The following ILKAP variants were observed in gnomAD, a reference collection of about 807,000 sequenced individuals.
ILKAP encodes the protein ILK associated serine/threonine phosphatase.
In ILKAP, 11 loss-of-function variants were observed where a neutral mutation model predicts 49.1. The ratio of observed to expected loss-of-function variants is 0.22; its 90% confidence interval spans 0.14 to 0.37. The LOEUF (loss-of-function observed/expected upper bound fraction) is 0.37. Ranked by LOEUF, ILKAP falls within the 10% of genes least tolerant of loss-of-function variation. The pLI, the probability that ILKAP is intolerant of heterozygous loss-of-function variation, is 1.00. For missense variants in ILKAP, 363 were observed against 510.8 expected (o/e 0.71, Z 2.79); for synonymous variants, 186 against 192.8 (o/e 0.96, Z 0.29).
chr2:238,181,212 G>A (rs1693677711), intron 9 of ILKAP, among the ~76,000 whole-genome samples: 1 of 152,190 alleles, frequency 6.6e-6, no homozygotes, highest in African/African-American at 2.4e-5. Flanking sequence ...ACACTTCAAA[G>A]GATAGGTAAG....
At chr2:238,196,410 A>T (rs182116996) in intron 1 of ILKAP, among the ~76,000 whole-genome samples, 123 of 152,150 alleles carry the variant, frequency 8.1e-4, no homozygotes, top group Non-Finnish European at 1.5e-3. Context: ...TATTTTTAGT[A>T]GAGACGGGGT....
intron 9 of ILKAP, among the ~76,000 whole-genome samples, chr2:238,180,686 A>G (rs902705304): frequency 2.0e-5 from 3 of 152,224 alleles, no homozygotes; most frequent in African/African-American, 7.2e-5. Flanking sequence ...CTCTGAGATG[A>G]AGGAGTCACC....
chr2:238,196,220 A>G (rs1489277377), intron 1 of ILKAP, among the ~76,000 whole-genome samples: 2 of 150,514 alleles, frequency 1.3e-5, no homozygotes, highest in Non-Finnish European at 2.9e-5. Flanking sequence ...CCTCCTGAGT[A>G]GGTGAGATCA....
chr2:238,199,768 A>C (rs1230154148), intron 1 of ILKAP, among the ~76,000 whole-genome samples: 2 of 151,816 alleles, frequency 1.3e-5, no homozygotes, highest in Non-Finnish European at 2.9e-5. Flanking sequence ...TTTATGTTCA[A>C]ATATTCTTCT....
intron 4 of ILKAP, 58 bp from the exon 5 acceptor site, chr2:238,188,315 C>G (rs952024310): frequency 6.3e-7 from 1 of 1,578,592 alleles, no homozygotes; most frequent in African/African-American, 1.4e-5. Context: ...TCTGGAAACC[C>G]TAGTCCCAGA....
At chr2:238,171,067 CAAAAAAT>C in intron 10 of ILKAP, 43 bp from the exon 11 acceptor site, 4 of 1,348,642 alleles carry the variant, frequency 3.0e-6, no homozygotes, top group Non-Finnish European at 1.0e-6. Flanking sequence ...TAGGCCCAAC[CAAAAAAT>C]AAAAAATAAA....
intron 1 of ILKAP, among the ~76,000 whole-genome samples, chr2:238,201,360 CT>C (rs1472282217): frequency 1.3e-5 from 2 of 152,178 alleles, no homozygotes; most frequent in African/African-American, 4.8e-5. Flanking sequence ...TTCCAATCAT[CT>C]ACAAATTCTG....
chr2:238,194,762 G>C, intron 2 of ILKAP, 43 bp downstream of exon 2: 5 of 1,573,730 alleles, frequency 3.2e-6, no homozygotes, highest in Non-Finnish European at 4.4e-6. Context: ...CCCAGGATGA[G>C]TAGAGACGTT....
At chr2:238,188,724 A>C (rs1182712374) in intron 4 of ILKAP, 1 of 153,438 alleles carries the variant, frequency 6.5e-6, no homozygotes. Flanking sequence ...GAATTTGAAC[A>C]AACAGTAAGA....
Position 238,184,130 on chromosome 2 carries a change from A to G in ILKAP, c.533-17T>C. 7.6e-7 allele frequency: 1 copy of G among 1,309,326 alleles called. No homozygotes were observed. Among genetic ancestry groups the G allele is most frequent in the Non-Finnish European group, 1.1e-6 (1 of 902,822 alleles). The allele number at this position is 1,309,326 out of a possible 1,614,324, so 81.1% of individuals were successfully genotyped here. ...TTACATCTCCTATTACAGAAGGGCC[A>G]AAAGAAAACAATCTCTCAAGGAGGG... On this transcript the variant is annotated splice_polypyrimidine_tract_variant and intron_variant, in intron 6 of 11. Coordinates refer to ENST00000254654, the MANE Select transcript of ILKAP (RefSeq NM_030768.3).
intron 1 of ILKAP, among the ~76,000 whole-genome samples, chr2:238,200,674 T>C (rs1694531202): frequency 6.6e-6 from 1 of 152,116 alleles, no homozygotes; most frequent in Admixed American, 6.5e-5. Context: ...ATACAAAAAT[T>C]AGCTGGCTGT....
chr2:238,173,795 T>C, intron 9 of ILKAP, 142 bp from the exon 10 acceptor site: 6 of 1,045,116 alleles, frequency 5.7e-6, no homozygotes, highest in Non-Finnish European at 6.8e-6. Flanking sequence ...TACTGACATT[T>C]CTTGATCTCA....
intron 9 of ILKAP, among the ~76,000 whole-genome samples, chr2:238,174,737 A>G (rs967586016): frequency 6.6e-6 from 1 of 152,230 alleles, no homozygotes; most frequent in South Asian, 2.1e-4. Flanking sequence ...GCGATCTTCT[A>G]GGATACAAAC....
intron 9 of ILKAP, among the ~76,000 whole-genome samples, chr2:238,175,710 T>C (rs756398227): frequency 6.6e-6 from 1 of 152,222 alleles, no homozygotes; most frequent in Non-Finnish European, 1.5e-5. Context: ...ATGAAGCTGG[T>C]TGGGACTCAG....
At chr2:238,176,076 T>C (rs1230560315) in intron 9 of ILKAP, among the ~76,000 whole-genome samples, 1 of 150,184 alleles carries the variant, frequency 6.7e-6, no homozygotes, top group African/African-American at 2.5e-5. Flanking sequence ...GTTCATTCTC[T>C]TTCCCCTTCC....
intron 1 of ILKAP, among the ~76,000 whole-genome samples, chr2:238,197,649 T>C (rs1287911187): frequency 6.6e-6 from 1 of 152,184 alleles, no homozygotes; most frequent in Non-Finnish European, 1.5e-5. Context: ...GCCTCTCCTC[T>C]GGCTACAATT....
chr2:238,179,505 A>C lies in ILKAP; in HGVS notation c.836+2560T>G, dbSNP rs368011784. Among the ~76,000 whole-genome samples the C allele has an allele frequency of 2.0e-5, 3 of 152,212 alleles. No individual in the cohort carries two copies. In the East Asian group the frequency reaches 5.8e-4, roughly 29 times the overall value. On this transcript the variant is annotated intron_variant, in intron 9 of 11. Transcript: ENST00000254654. ...CATCTTTGACATCCCTGATGAAATA[A>C]TGATTTAGGGATGCTAAGACCATTA...
rs142909299 is a variant in ILKAP at position 238,173,736 on chromosome 2, G to A, written c.837-83C>T. The A allele has an allele frequency of 1.5e-3, 2,223 of 1,434,524 alleles. 2 individuals carry two copies. The highest frequency in any genetic ancestry group is 2.0e-3 in the Non-Finnish European group (2,103 of 1,045,536). 88.9% of individuals were successfully genotyped at this position (1,434,524 alleles called of 1,614,324 possible). A position where few individuals can be genotyped will look rare whatever the true frequency, so the allele number is the denominator to read the frequency against. On this transcript the variant is annotated intron_variant, in intron 9 of 11. Coordinates refer to ENST00000254654, the MANE Select transcript of ILKAP (RefSeq NM_030768.3). ...CTTAGAATCTCACCTTAAAAGCAGAGAATGGAAGTGTGAAAGATACAGACT... is the reference window on the plus strand; with the variant it reads ...CTTAGAATCTCACCTTAAAAGCAGAAAATGGAAGTGTGAAAGATACAGACT...
chr2:238,181,988 T>TTG, intron 9 of ILKAP, 77 bp downstream of exon 9: 1 of 1,513,836 alleles, frequency 6.6e-7, no homozygotes, highest in Non-Finnish European at 9.1e-7. Context: ...GGGGAAGTTC[T>TTG]ACTCCTTGAA....
Sources: gnomAD v4.1 joint callset for allele counts (sites outside exome capture counted in the v4.1 genomes callset) on GRCh38, gnomAD v4.1.1 for gene constraint, MANE v1.5 for transcripts, NCBI Gene and HGNC (gene_info 2026-07-23, HGNC 2026-07-21) for gene names.